NHSL1: variants seen among roughly 807,000 people sequenced by gnomAD.
NHSL1 encodes NHS-like protein 1.
Under a neutral mutation model 95.0 loss-of-function variants are expected in NHSL1, and 48 were observed. The observed-to-expected ratio is 0.51, with a 90% confidence interval of 0.40 to 0.64. The LOEUF (loss-of-function observed/expected upper bound fraction) is 0.64. NHSL1 is among the 30% of genes least tolerant of loss of function. NHSL1 has a pLI of 0.00. For synonymous variants in NHSL1, 783 were observed against 833.9 expected (o/e 0.94, Z 1.05); for missense variants, 1,971 against 2,077.7 (o/e 0.95, Z 1.00).
intron 3 of NHSL1, among the ~76,000 whole-genome samples, chr6:138,449,230 T>C (rs1198292859): frequency 4.6e-5 from 7 of 152,246 alleles, no homozygotes; most frequent in East Asian, 1.9e-4. Flanking sequence ...GATAGGGCCC[T>C]AGACTAAGAA....
chr6:138,674,118 C>T (rs1740877092), intron 1 of NHSL1, among the ~76,000 whole-genome samples: 1 of 151,788 alleles, frequency 6.6e-6, no homozygotes, highest in African/African-American at 2.4e-5. Flanking sequence ...TCATTTCCAG[C>T]AATAGAGCTA....
intron 1 of NHSL1, among the ~76,000 whole-genome samples, chr6:138,630,968 G>A (rs561522760): frequency 6.6e-6 from 1 of 152,286 alleles, no homozygotes; most frequent in African/African-American, 2.4e-5. Context: ...AAACACTGAG[G>A]AGGTAGGAAA....
chr6:138,618,329 A>C (rs1280183242), intron 1 of NHSL1, among the ~76,000 whole-genome samples: 1 of 152,246 alleles, frequency 6.6e-6, no homozygotes, highest in African/African-American at 2.4e-5. Flanking sequence ...AAGCTCCTCC[A>C]ACTGGTTGTG....
At chr6:138,689,741 G>C (rs1254671638) in intron 1 of NHSL1, among the ~76,000 whole-genome samples, 3 of 151,972 alleles carry the variant, frequency 2.0e-5, no homozygotes, top group Non-Finnish European at 4.4e-5. Context: ...TTATCCTTAG[G>C]ACTGTTTAAG....
rs1253733165 is a variant in NHSL1 at position 138,437,323 on chromosome 6, C to T, written c.665-3643G>A. On this transcript the variant is annotated intron_variant, in intron 5 of 7. Coordinates refer to ENST00000343505, the MANE Select transcript of NHSL1 (RefSeq NM_001144060.2). ...ATATATATATATATATATATATACA[C>T]ACACACATATATATATATACACATA... 4.9e-4 allele frequency among the ~76,000 whole-genome samples: 34 copies of T among 70,046 alleles called. 5 individuals carry two copies. The highest frequency in any genetic ancestry group is 9.0e-4 in the Admixed American group (6 of 6,662). 46.0% of individuals were successfully genotyped at this position (70,046 alleles called of 152,430 possible). A position where few individuals can be genotyped will look rare whatever the true frequency, so the allele number is the denominator to read the frequency against.
chr6:138,537,235 C>A (rs1005937118), intron 1 of NHSL1, among the ~76,000 whole-genome samples: 1 of 152,238 alleles, frequency 6.6e-6, no homozygotes, highest in Non-Finnish European at 1.5e-5. Flanking sequence ...GCAAACACTT[C>A]CGTTGGAGCT....
rs1456529699 is a variant in NHSL1, at chr6:138,430,765, G to C, written c.3580C>G (p.Pro1194Ala). The change falls in exon 6 of 8, where the codon CCC (proline) becomes GCC (alanine). Residue 1194 changes from proline (P) to alanine (A), a missense_variant. By Grantham distance (27) the Pro-to-Ala change is conservative (BLOSUM62 -1). Around this residue, in one of 3 missense-constraint regions of NHSL1, gnomAD observed 1,602 missense variants for 1,654.5 expected, o/e 0.97. Transcript: ENST00000343505. The surrounding 1 kb of genome is among the most constrained non-coding windows in gnomAD (Gnocchi z 4.7). ...AACAGTTTGGGCTTCTTGGAAATGGGGGGTGGCTTCCTGCTGGGTGAAGAG... is the reference window on the plus strand; with the variant it reads ...AACAGTTTGGGCTTCTTGGAAATGGCGGGTGGCTTCCTGCTGGGTGAAGAG... Reference protein sequence around the residue: ...PDSSPSRKPPPISKKPKLFLV... With the variant: ...PDSSPSRKPPAISKKPKLFLV... The C allele has an allele frequency of 1.9e-6, 3 of 1,551,630 alleles. No homozygotes were observed. Among genetic ancestry groups the C allele is most frequent in the Non-Finnish European group, 2.6e-6 (3 of 1,147,018 alleles).
At position 138,446,159 on chromosome 6, in the gene NHSL1, T is replaced by C. The variant is rs144661869; in HGVS notation, c.532+842A>G. 4.8e-3 allele frequency among the ~76,000 whole-genome samples: 730 copies of C among 151,810 alleles called. 6 individuals are homozygous for C. The highest frequency in any genetic ancestry group is 0.017 in the African/African-American group (688 of 41,368). ...TTGAAGCAATTCTCCTGCCTCAGAC[T>C]CCAGAGTAGCTGGGATTACACGCAC... is the stretch of plus-strand genomic sequence containing the variant. On this transcript the variant is annotated intron_variant, in intron 4 of 7. Coordinates refer to ENST00000343505, the MANE Select transcript of NHSL1 (RefSeq NM_001144060.2).
chr6:138,520,144 G>C (rs1390777434), intron 1 of NHSL1, among the ~76,000 whole-genome samples: 1 of 151,782 alleles, frequency 6.6e-6, no homozygotes, highest in South Asian at 2.1e-4. Flanking sequence ...TGTTTTAAAA[G>C]AATAAAATAT....
chr6:138,669,129 G>A (rs1018147554), intron 1 of NHSL1, among the ~76,000 whole-genome samples: 3 of 152,086 alleles, frequency 2.0e-5, no homozygotes, highest in Non-Finnish European at 4.4e-5. Context: ...GGAAAGCACA[G>A]GGAAAGGTAT....
upstream of NHSL1, chr6:138,692,598 T>C: frequency 5.4e-6 from 1 of 184,730 alleles, no homozygotes; most frequent in Non-Finnish European, 1.1e-5. This position sits in a 1 kb window ranked among gnomAD's most constrained non-coding sequence, Gnocchi z 4.0. Flanking sequence ...GCCGAAGATG[T>C]CCCCGGCGCA....
intron 1 of NHSL1, among the ~76,000 whole-genome samples, chr6:138,648,507 G>A (rs375387757): frequency 5.9e-5 from 9 of 152,232 alleles, no homozygotes; most frequent in African/African-American, 1.7e-4. Context: ...CCAAGCCTCC[G>A]TCTCTCCCAG....
intron 1 of NHSL1, among the ~76,000 whole-genome samples, chr6:138,624,412 GAC>G (rs938684349): frequency 2.6e-5 from 4 of 152,144 alleles, no homozygotes; most frequent in African/African-American, 9.7e-5. Context: ...TTCATTGTAT[GAC>G]ACAGATGACT....
chr6:138,652,340 T>C (rs1391861670), intron 1 of NHSL1, among the ~76,000 whole-genome samples: 1 of 150,860 alleles, frequency 6.6e-6, no homozygotes, highest in Non-Finnish European at 1.5e-5. Context: ...ACTCGGGAGG[T>C]TGAAGCAGGA....
intron 1 of NHSL1, chr6:138,650,736 T>C (rs934405751): frequency 2.0e-5 from 11 of 545,978 alleles, no homozygotes; most frequent in Non-Finnish European, 3.7e-5. Context: ...CATTATCCCA[T>C]AGGAGGTCTC....
intron 1 of NHSL1, among the ~76,000 whole-genome samples, chr6:138,655,354 T>C (rs1377115643): frequency 6.6e-6 from 1 of 152,244 alleles, no homozygotes; most frequent in Non-Finnish European, 1.5e-5. Context: ...TCATGCTTCC[T>C]TTCACTATAG....
intron 1 of NHSL1, among the ~76,000 whole-genome samples, chr6:138,617,711 G>GC (rs1784599558): frequency 6.6e-6 from 1 of 152,240 alleles, no homozygotes; most frequent in Non-Finnish European, 1.5e-5. Context: ...GCTTGACAGA[G>GC]CTTCTGAGAA....
chr6:138,446,106 C>T (rs1281432052), intron 4 of NHSL1, among the ~76,000 whole-genome samples: 1 of 150,146 alleles, frequency 6.7e-6, no homozygotes, highest in Non-Finnish European at 1.5e-5. Context: ...TGCGATCTCT[C>T]GGCTCACTGC....
chr6:138,570,310 T>C (rs1196620993), intron 1 of NHSL1, among the ~76,000 whole-genome samples: 2 of 152,210 alleles, frequency 1.3e-5, no homozygotes, highest in African/African-American at 4.8e-5. Context: ...CACTACTGAA[T>C]CCACCCTCCA....
Sources: allele counts gnomAD v4.1 joint callset (sites outside exome capture counted in the v4.1 genomes callset), GRCh38; gene constraint gnomAD v4.1.1; regional missense constraint gnomAD v4.1.1; non-coding constraint Gnocchi (gnomAD v3.1); transcripts MANE v1.5; gene names NCBI Gene and HGNC (gene_info 2026-07-23, HGNC 2026-07-21).